IRS1: variants seen among roughly 807,000 people sequenced by gnomAD.
The protein encoded by IRS1 is insulin receptor substrate 1.
IRS1 carries 34 observed loss-of-function variants against 65.6 expected under a neutral mutation model. The ratio of observed to expected loss-of-function variants is 0.52; its 90% CI spans 0.39 to 0.69. IRS1 has a LOEUF of 0.69. IRS1 is among the 30% of genes least tolerant of loss of function. The probability of loss-of-function intolerance (pLI) is 0.00; values close to 1 mark genes in which losing one functional copy is unlikely to be tolerated. For missense variants in IRS1, 1,641 were observed against 1,720.2 expected (o/e 0.95, Z 0.81); for synonymous variants, 699 against 683.5 (o/e 1.02, Z -0.35).
At chr2:226,743,929 CT>C (rs1017023627) in intron 1 of IRS1, among the ~76,000 whole-genome samples, 3 of 152,172 alleles carry the variant, frequency 2.0e-5, no homozygotes, top group Non-Finnish European at 4.4e-5. Flanking sequence ...ACTGCCTTTG[CT>C]TTTTTTGTTA....
chr2:226,761,876 G>A (rs80121475), intron 1 of IRS1, among the ~76,000 whole-genome samples: 3,931 of 152,282 alleles, frequency 0.026, 56 homozygotes, highest in Non-Finnish European at 0.038. Flanking sequence ...AGGTTGCCAG[G>A]TGGCATTATG....
chr2:226,751,368 C>T (rs1938677630), intron 1 of IRS1, among the ~76,000 whole-genome samples: 1 of 147,728 alleles, frequency 6.8e-6, no homozygotes, highest in Admixed American at 6.9e-5. Context: ...ACTGCAAGCT[C>T]CACCTCCCGG....
In IRS1 at chr2:226,796,773, T is replaced by C. The variant is rs2106186002; in HGVS notation, c.1966A>G (p.Arg656Gly). 6.3e-7 allele frequency: 1 copy of C among 1,594,798 alleles called. No individual in the cohort carries two copies. The highest frequency in any genetic ancestry group is 1.1e-5 in the South Asian group (1 of 87,386). The change falls in exon 1 of 2, where the codon AGA (arginine) becomes GGA (glycine). Residue 656 changes from arginine to glycine, a missense_variant. Coordinates refer to ENST00000305123, the MANE Select transcript of IRS1 (RefSeq NM_005544.3). ...IINPIRRHPQ[R>G]VDPNGYMMMS... ...ATCATGTAGCCATTGGGGTCCACTC[T>C]CTGGGGATGGCGTCTGATGGGATTG...
chr2:226,732,702 C>CACAAAA lies in IRS1; in HGVS notation c.*3569_*3570insTTTTGT, dbSNP rs1938252563. The stretch of plus-strand genomic sequence containing the variant: ...ATACACACACACATATATATACACA[C>CACAAAA]ACACAAACACACACACACACACACA... On this transcript the variant is annotated 3_prime_UTR_variant, in exon 2 of 2. Transcript: ENST00000305123. 1 of 133,388 alleles carries CACAAAA rather than the reference C, an allele frequency of 7.5e-6. No individual in the cohort carries two copies. The highest frequency in any genetic ancestry group is 3.7e-5 in the African/African-American group (1 of 26,808). 8.3% of individuals were successfully genotyped at this position (133,388 alleles called of 1,614,324 possible).
chr2:226,799,751 G>A lies in IRS1; in HGVS notation c.-1013C>T. 7 of 998,640 alleles carry A rather than the reference G, an allele frequency of 7.0e-6. No individual in the cohort carries two copies. The highest frequency in any genetic ancestry group is 8.4e-6 in the Non-Finnish European group (7 of 829,986). The allele number at this position is 998,640 out of a possible 1,614,324, so 61.9% of individuals were successfully genotyped here. On this transcript the variant is annotated 5_prime_UTR_variant, in exon 1 of 2. Coordinates refer to ENST00000305123, the MANE Select transcript of IRS1 (RefSeq NM_005544.3). This position sits in a 1 kb window ranked among gnomAD's most constrained non-coding sequence, Gnocchi z 6.1. ...CTCTGCGCGCCGGCCCCCTCCGACCGCGCCGCCGTCTCACTCGGAGGAGAA... is the reference window on the plus strand; with the variant it reads ...CTCTGCGCGCCGGCCCCCTCCGACCACGCCGCCGTCTCACTCGGAGGAGAA...
chr2:226,776,138 A>G (rs1448957457), intron 1 of IRS1, among the ~76,000 whole-genome samples: 1 of 152,214 alleles, frequency 6.6e-6, no homozygotes, highest in Non-Finnish European at 1.5e-5. Context: ...ATGCTCAAAA[A>G]AAATACAAAA....
rs544942467 is a variant in IRS1 at position 226,760,501 on chromosome 2, AT to A, written c.*22-24252del. The stretch of plus-strand genomic sequence containing the variant: ...TTCCCTACAAATACATGCGGTCATA[AT>A]TTTTTTTACCCTCTTAATCTGCTGT... On this transcript the variant is annotated intron_variant, in intron 1 of 1. Transcript: ENST00000305123. Among the ~76,000 whole-genome samples the A allele has an allele frequency of 3.5e-3, 533 of 152,130 alleles. 2 individuals carry two copies. Among genetic ancestry groups the A allele is most frequent in the African/African-American group, 0.012 (493 of 41,510 alleles).
intron 1 of IRS1, among the ~76,000 whole-genome samples, chr2:226,781,781 A>G (rs1205114760): frequency 2.0e-5 from 3 of 151,836 alleles, no homozygotes; most frequent in Non-Finnish European, 1.5e-5. Context: ...GCTGCAAAAT[A>G]TTTTTAAAGA....
At chr2:226,785,405 C>T (rs992895041) in intron 1 of IRS1, among the ~76,000 whole-genome samples, 5 of 151,996 alleles carry the variant, frequency 3.3e-5, no homozygotes, top group African/African-American at 1.2e-4. Flanking sequence ...GAGTCTGAGA[C>T]CAGTTTGGCC....
At chr2:226,765,400 T>C (rs1227463349) in intron 1 of IRS1, among the ~76,000 whole-genome samples, 1 of 152,254 alleles carries the variant, frequency 6.6e-6, no homozygotes, top group Non-Finnish European at 1.5e-5. Flanking sequence ...TATTGTCATA[T>C]AAGCTTCTTT....
chr2:226,792,744 G>A (rs1427210121), intron 1 of IRS1, among the ~76,000 whole-genome samples: 1 of 152,248 alleles, frequency 6.6e-6, no homozygotes, highest in Non-Finnish European at 1.5e-5. Flanking sequence ...AATTGCTGAG[G>A]AAGTGAGGAA....
chr2:226,772,983 C>G (rs1209816839), intron 1 of IRS1, among the ~76,000 whole-genome samples: 1 of 152,192 alleles, frequency 6.6e-6, no homozygotes, highest in Non-Finnish European at 1.5e-5. Context: ...ACTGGTCACA[C>G]TCTAAATGCA....
Position 226,799,715 on chromosome 2 carries a change from G to A in IRS1, c.-977C>T, listed in dbSNP as rs966742218. 19 of 999,820 alleles carry A rather than the reference G, an allele frequency of 1.9e-5. No individual in the cohort carries two copies. Among genetic ancestry groups the A allele is most frequent in the Non-Finnish European group, 2.0e-5 (17 of 830,110 alleles). The allele number at this position is 999,820 out of a possible 1,614,324, so 61.9% of individuals were successfully genotyped here. ...CCGAGAGCCCCAACCAAAACAAGCG[G>A]CGGCGTCTGGCTCTGCGCGCCGGCC... On this transcript the variant is annotated 5_prime_UTR_variant, in exon 1 of 2. Transcript: ENST00000305123. This position sits in a 1 kb window ranked among gnomAD's most constrained non-coding sequence, Gnocchi z 6.1.
chr2:226,798,434 T>A lies in IRS1; in HGVS notation c.305A>T (p.Glu102Val). 1 of 1,614,096 alleles carries A rather than the reference T, an allele frequency of 6.2e-7. No homozygotes were observed. The highest frequency in any genetic ancestry group is 1.7e-5 in the Admixed American group (1 of 60,028). The change falls in exon 1 of 2, where the codon GAG (glutamate) becomes GTG (valine). Residue 102 changes from glutamate (E) to valine (V), a missense_variant. Glu to Val is a moderately radical substitution (Grantham distance 121). Coordinates refer to ENST00000305123, the MANE Select transcript of IRS1 (RefSeq NM_005544.3). The surrounding 1 kb of genome is among the most constrained non-coding windows in gnomAD (Gnocchi z 9.4). The stretch of plus-strand genomic sequence containing the variant: ...GAGAGCCTGGTACCAGCTGTCTTGC[T>A]CGGCCTCGCTGTCCGCCGCGATGGC... ...HFAIAADSEA[E>V]QDSWYQALLQ...
rs1030021114 is a variant in IRS1, at chr2:226,756,825, G to A, written c.*22-20575C>T. On this transcript the variant is annotated intron_variant, in intron 1 of 1. Transcript: ENST00000305123. ...AAAAATACAAAAATTAGCTGGGCAC[G>A]ATGGCGTGCGCCTGTGGTCCCAGCT... Among the ~76,000 whole-genome samples the A allele has an allele frequency of 3.3e-5, 5 of 152,162 alleles. No homozygotes were observed. The East Asian group carries it at 9.6e-4, about 29-fold the overall frequency.
chr2:226,798,827 C>G lies in IRS1; in HGVS notation c.-89G>C. 6.5e-7 allele frequency: 1 copy of G among 1,549,374 alleles called. No homozygotes were observed. The highest frequency in any genetic ancestry group is 1.2e-5 in the South Asian group (1 of 84,660). ...GGAGGCTCCTCGCCGCGGCCCGGCA[C>G]ATGCAAACAGGGCTGGAGGCAGCAG... is the stretch of plus-strand genomic sequence containing the variant. On this transcript the variant is annotated 5_prime_UTR_variant, in exon 1 of 2. It removes an upstream start codon present in the reference 5' UTR. Transcript: ENST00000305123. This position sits in a 1 kb window ranked among gnomAD's most constrained non-coding sequence, Gnocchi z 9.4.
intron 1 of IRS1, among the ~76,000 whole-genome samples, chr2:226,791,837 G>T (rs1026335449): frequency 1.2e-4 from 18 of 152,084 alleles, no homozygotes; most frequent in Non-Finnish European, 2.2e-4. Flanking sequence ...CCGGGAAGGG[G>T]CCCCACCGCC....
At chr2:226,763,365 G>A (rs1418601787) in intron 1 of IRS1, among the ~76,000 whole-genome samples, 1 of 152,016 alleles carries the variant, frequency 6.6e-6, no homozygotes, top group Non-Finnish European at 1.5e-5. Flanking sequence ...CTGCATTAAG[G>A]CTGTCTTGGA....
In IRS1 at chr2:226,790,644, C is replaced by T. The variant is rs139215987; in HGVS notation, c.*21+4345G>A. Among the ~76,000 whole-genome samples the T allele has an allele frequency of 5.4e-3, 825 of 152,198 alleles. 7 individuals carry two copies. Among genetic ancestry groups the T allele is most frequent in the African/African-American group, 0.018 (740 of 41,528 alleles). On this transcript the variant is annotated intron_variant, in intron 1 of 1. Transcript: ENST00000305123. The stretch of plus-strand genomic sequence containing the variant: ...GTTTCACTTGGCCCCTCAGAAAAAG[C>T]GCTGCCCTGGGATCTTATGATTCAG...
Sources: gnomAD v4.1 joint callset for allele counts (sites outside exome capture counted in the v4.1 genomes callset) on GRCh38, gnomAD v4.1.1 for gene constraint, Gnocchi (gnomAD v3.1) non-coding constraint, MANE v1.5 for transcripts, NCBI Gene and HGNC (gene_info 2026-07-23, HGNC 2026-07-21) for gene names.